DGKG: variants seen among roughly 807,000 people sequenced by gnomAD.
The protein encoded by DGKG is DAG kinase gamma.
DGKG carries 78 observed loss-of-function variants against 105.3 expected under a neutral mutation model. The observed-to-expected ratio is 0.74, with a 90% CI of 0.62 to 0.89. DGKG has a LOEUF of 0.89. DGKG is among the 40% of genes least tolerant of loss of function. The pLI is 0.00. For missense variants in DGKG, 958 were observed against 1,020.1 expected, an observed-to-expected ratio of 0.94 and a Z score of 0.83; for synonymous variants, 346 against 367.1, an observed-to-expected ratio of 0.94 and a Z score of 0.66.
intron 21 of DGKG, among the ~76,000 whole-genome samples, chr3:186,205,448 G>T (rs1302258190): frequency 6.6e-6 from 1 of 151,970 alleles, no homozygotes; most frequent in Non-Finnish European, 1.5e-5. Flanking sequence ...GGTGGCTCAC[G>T]CCTGTAATCT....
chr3:186,361,723 A>G lies in DGKG; in HGVS notation c.-249+223T>C, dbSNP rs1176291462. ...GGCCTCTCAGTCGCAGAGAGAGCCG[A>G]GCCCCACCCTGTGCGTTCCCCAAGC... is the stretch of plus-strand genomic sequence containing the variant. On this transcript the variant is annotated intron_variant, in intron 1 of 24. Coordinates refer to ENST00000265022, the MANE Select transcript of DGKG (RefSeq NM_001346.3). The surrounding 1 kb of genome is among the most constrained non-coding windows in gnomAD (Gnocchi z 6.8). Among the ~76,000 whole-genome samples the G allele has an allele frequency of 1.3e-5, 2 of 152,150 alleles. No individual in the cohort carries two copies. The highest frequency in any genetic ancestry group is 2.9e-5 in the Non-Finnish European group (2 of 68,020).
chr3:186,281,728 T>C (rs951216451), intron 7 of DGKG, among the ~76,000 whole-genome samples: 9 of 152,176 alleles, frequency 5.9e-5, no homozygotes, highest in African/African-American at 1.9e-4. Flanking sequence ...TTGGCAGAAG[T>C]TCCAAAAGAA....
At chr3:186,333,012 A>C (rs1403786960) in intron 1 of DGKG, among the ~76,000 whole-genome samples, 1 of 152,172 alleles carries the variant, frequency 6.6e-6, no homozygotes, top group Non-Finnish European at 1.5e-5. Context: ...GCCTCACCAG[A>C]TGCAGTCCCT....
intron 8 of DGKG, 110 bp from the exon 9 acceptor site, chr3:186,280,083 C>G (rs551809180): frequency 2.2e-6 from 3 of 1,364,298 alleles, no homozygotes; most frequent in Non-Finnish European, 3.1e-6. Flanking sequence ...TGTTTTACCC[C>G]TTTCCCCTCC....
rs571483007 is a variant in DGKG, at chr3:186,358,629, A to G, written c.-249+3317T>C. 2.2e-4 allele frequency among the ~76,000 whole-genome samples: 33 copies of G among 149,636 alleles called. No homozygotes were observed. The South Asian group carries it at 6.8e-3, about 31-fold the overall frequency. Reference sequence around the variant, plus strand: ...TATAACTTTATTTTTAAATTGTTTTATTACTATTAATAGTTACTAGCCTTG... The same window carrying G: ...TATAACTTTATTTTTAAATTGTTTTGTTACTATTAATAGTTACTAGCCTTG... On this transcript the variant is annotated intron_variant, in intron 1 of 24. Coordinates refer to ENST00000265022, the MANE Select transcript of DGKG (RefSeq NM_001346.3).
chr3:186,250,830 G>GT (rs1209663779), intron 19 of DGKG, among the ~76,000 whole-genome samples: 2 of 152,256 alleles, frequency 1.3e-5, no homozygotes, highest in East Asian at 3.9e-4. Context: ...GATTGCAGGC[G>GT]TGAGCTACCG....
At chr3:186,220,410 C>G (rs1719507503) in intron 20 of DGKG, among the ~76,000 whole-genome samples, 1 of 152,146 alleles carries the variant, frequency 6.6e-6, no homozygotes, top group Non-Finnish European at 1.5e-5. Flanking sequence ...CTTGGTGATG[C>G]AGCTGGGAGG....
intron 21 of DGKG, among the ~76,000 whole-genome samples, chr3:186,201,254 G>A (rs1188592566): frequency 6.6e-6 from 1 of 152,032 alleles, no homozygotes; most frequent in African/African-American, 2.4e-5. Flanking sequence ...CCAACCTGGA[G>A]TGGATGGGGC....
chr3:186,262,717 T>C (rs1036813062), intron 14 of DGKG, among the ~76,000 whole-genome samples: 29 of 152,258 alleles, frequency 1.9e-4, no homozygotes, highest in African/African-American at 7.0e-4. Context: ...AGTCCTGCTC[T>C]TGCTCCTCTA....
At chr3:186,218,300 C>G (rs369102304) in intron 20 of DGKG, among the ~76,000 whole-genome samples, 1 of 151,780 alleles carries the variant, frequency 6.6e-6, no homozygotes, top group Non-Finnish European at 1.5e-5. Flanking sequence ...GTCAGGAGAT[C>G]GAGACCATCC....
chr3:186,239,797 G>A (rs531151844), intron 20 of DGKG, among the ~76,000 whole-genome samples: 3 of 152,172 alleles, frequency 2.0e-5, no homozygotes, highest in Non-Finnish European at 4.4e-5. Context: ...CCTACCCTCA[G>A]AGAGAAGTAT....
chr3:186,315,897 T>A (rs1301395827), intron 2 of DGKG, among the ~76,000 whole-genome samples: 4 of 151,978 alleles, frequency 2.6e-5, no homozygotes, highest in Non-Finnish European at 5.9e-5. Flanking sequence ...GTGGAGGGAG[T>A]TCCGTTCTAG....
At chr3:186,271,499 C>G (rs547353367) in intron 11 of DGKG, among the ~76,000 whole-genome samples, 1 of 152,168 alleles carries the variant, frequency 6.6e-6, no homozygotes, top group African/African-American at 2.4e-5. Flanking sequence ...GCAGTACTGC[C>G]TTTTACCTCA....
At chr3:186,213,483 A>G (rs1252141951) in intron 20 of DGKG, among the ~76,000 whole-genome samples, 4 of 152,252 alleles carry the variant, frequency 2.6e-5, no homozygotes, top group Admixed American at 2.6e-4. Context: ...ATGCACAGTC[A>G]TGTGCATATC....
intron 1 of DGKG, among the ~76,000 whole-genome samples, chr3:186,350,218 T>C (rs1726562657): frequency 6.6e-6 from 1 of 152,154 alleles, no homozygotes; most frequent in Admixed American, 6.5e-5. Flanking sequence ...TCTTGCAAAA[T>C]GAACTGTGGC....
chr3:186,357,079 T>C lies in DGKG; in HGVS notation c.-249+4867A>G, dbSNP rs187346649. 1.7e-3 allele frequency among the ~76,000 whole-genome samples: 261 copies of C among 151,832 alleles called. 1 individual carries two copies. The highest frequency in any genetic ancestry group is 6.0e-3 in the African/African-American group (248 of 41,366). On this transcript the variant is annotated intron_variant, in intron 1 of 24. Transcript: ENST00000265022. ...TCTGTTGATGGTGTTGTGTGGGGAG[T>C]TGGAGCAGTTGGGGGAGCTGGAACA...
At position 186,297,496 on chromosome 3, in the gene DGKG, A is replaced by T. The variant is rs540290299; in HGVS notation, c.311-13T>A. 45 of 1,600,536 alleles carry T rather than the reference A, an allele frequency of 2.8e-5. No individual in the cohort carries two copies. In the African/African-American group the frequency reaches 4.8e-4, roughly 17 times the overall value. Reference sequence around the variant, plus strand: ...TGTATATTAGTATCTGAGGAAAAAAAAGAAGATTTAAAGACCAACCCAGGC... The same window carrying T: ...TGTATATTAGTATCTGAGGAAAAAATAGAAGATTTAAAGACCAACCCAGGC... On this transcript the variant is annotated splice_polypyrimidine_tract_variant and intron_variant, in intron 4 of 24. Transcript: ENST00000265022.
chr3:186,310,295 C>T (rs1299717193), intron 2 of DGKG, among the ~76,000 whole-genome samples: 1 of 65,558 alleles, frequency 1.5e-5, no homozygotes, highest in Non-Finnish European at 3.7e-5. Context: ...AAAAACCACA[C>T]ACACACAACA....
chr3:186,221,862 C>T (rs1026223151), intron 20 of DGKG, among the ~76,000 whole-genome samples: 7 of 152,330 alleles, frequency 4.6e-5, no homozygotes, highest in South Asian at 4.2e-4. Flanking sequence ...CTCACACTAC[C>T]GTGACCGCCG....
Sources: allele counts gnomAD v4.1 joint callset (sites outside exome capture counted in the v4.1 genomes callset), GRCh38; gene constraint gnomAD v4.1.1; non-coding constraint Gnocchi (gnomAD v3.1); transcripts MANE v1.5; gene names NCBI Gene and HGNC (gene_info 2026-07-23, HGNC 2026-07-21).